LEF1: variants seen among roughly 807,000 people sequenced by gnomAD.
The protein encoded by LEF1 is lymphoid enhancer-binding factor 1.
A neutral mutation model predicts 51.2 loss-of-function variants in LEF1; 14 were observed. The observed-to-expected ratio is 0.27, with a 90% CI of 0.18 to 0.43. The LOEUF is 0.43. LEF1 is among the 20% of genes least tolerant of loss of function. The pLI is 1.00. For missense variants in LEF1, 386 were observed against 512.0 expected (o/e 0.75, Z 2.37); for synonymous variants, 185 against 183.2 (o/e 1.01, Z -0.08).
intron 3 of LEF1, among the ~76,000 whole-genome samples, chr4:108,104,364 T>G (rs1741015344): frequency 6.6e-6 from 1 of 150,904 alleles, no homozygotes; most frequent in Non-Finnish European, 1.5e-5. Flanking sequence ...AAACCACTGA[T>G]TGAAGGCTAA....
chr4:108,121,027 G>C (rs951146335), intron 3 of LEF1, among the ~76,000 whole-genome samples: 1 of 152,176 alleles, frequency 6.6e-6, no homozygotes, highest in Non-Finnish European at 1.5e-5. Context: ...TGGTGTTTTC[G>C]AGACAACCAT....
intron 3 of LEF1, among the ~76,000 whole-genome samples, chr4:108,095,014 T>C (rs1322077467): frequency 6.6e-6 from 1 of 152,124 alleles, no homozygotes; most frequent in Non-Finnish European, 1.5e-5. Context: ...AGAAACAAGG[T>C]ACTGGAAATA....
chr4:108,058,826 A>G (rs1186524729), intron 11 of LEF1, among the ~76,000 whole-genome samples: 1 of 152,216 alleles, frequency 6.6e-6, no homozygotes, highest in Non-Finnish European at 1.5e-5. Context: ...CGTGACTTAC[A>G]GCAGTCCTCA....
At chr4:108,102,639 G>A (rs1488308621) in intron 3 of LEF1, among the ~76,000 whole-genome samples, 1 of 152,120 alleles carries the variant, frequency 6.6e-6, no homozygotes, top group Non-Finnish European at 1.5e-5. Flanking sequence ...GATGTTCAGT[G>A]GTTCTAAGTT....
At chr4:108,081,724 G>A (rs1739321210) in intron 5 of LEF1, 55 bp from the exon 6 acceptor site, 1 of 1,275,056 alleles carries the variant, frequency 7.8e-7, no homozygotes, top group Non-Finnish European at 1.1e-6. Flanking sequence ...TTACCAACCA[G>A]TAGTAAGAGT....
intron 3 of LEF1, among the ~76,000 whole-genome samples, chr4:108,130,378 C>A (rs533442098): frequency 1.3e-5 from 2 of 152,068 alleles, no homozygotes; most frequent in Non-Finnish European, 2.9e-5. Flanking sequence ...TCCTATGATG[C>A]TGCACTATCA....
At chr4:108,062,548 C>A (rs6847336) in intron 11 of LEF1, among the ~76,000 whole-genome samples, 128,725 of 152,206 alleles carry the variant, frequency 0.85, 55,596 homozygotes, top group East Asian at 0.97. Context: ...CCCACACACT[C>A]AGTGGCGGGT....
chr4:108,157,175 TATATAC>T (rs1297630521), intron 3 of LEF1, among the ~76,000 whole-genome samples: 2 of 57,524 alleles, frequency 3.5e-5, no homozygotes, highest in East Asian at 6.9e-4. Context: ...TCTCTATATA[TATATAC>T]ACACACACAC....
At chr4:108,149,179 G>A (rs1744179320) in intron 3 of LEF1, among the ~76,000 whole-genome samples, 1 of 152,140 alleles carries the variant, frequency 6.6e-6, no homozygotes, top group Admixed American at 6.5e-5. Context: ...AAATAGATTG[G>A]CCGGGCGCGG....
chr4:108,147,762 C>T (rs1042500203), intron 3 of LEF1, among the ~76,000 whole-genome samples: 4 of 152,186 alleles, frequency 2.6e-5, no homozygotes, highest in African/African-American at 7.2e-5. Flanking sequence ...ATTTCCTACT[C>T]TTTCCAACTT....
At chr4:108,067,190 T>C (rs1738133943) in intron 9 of LEF1, among the ~76,000 whole-genome samples, 1 of 152,222 alleles carries the variant, frequency 6.6e-6, no homozygotes, top group African/African-American at 2.4e-5. Context: ...ATTCAAGGAA[T>C]ATGCAAAACA....
intron 3 of LEF1, among the ~76,000 whole-genome samples, chr4:108,144,944 T>C (rs1422179504): frequency 6.9e-6 from 1 of 144,976 alleles, no homozygotes. Context: ...AAAACTTTCA[T>C]ATGAAACACT....
At chr4:108,082,376 A>G (rs1188103428) in intron 5 of LEF1, among the ~76,000 whole-genome samples, 1 of 152,166 alleles carries the variant, frequency 6.6e-6, no homozygotes, top group Admixed American at 6.5e-5. Context: ...TGCATAATCA[A>G]TTAAGTTCAA....
chr4:108,143,863 G>T (rs367874586), intron 3 of LEF1, among the ~76,000 whole-genome samples: 58 of 152,258 alleles, frequency 3.8e-4, no homozygotes, highest in African/African-American at 1.3e-3. Context: ...TTCTCAGACT[G>T]CCCTCAGCAA....
chr4:108,164,823 G>T (rs774539268), intron 2 of LEF1, among the ~76,000 whole-genome samples: 2 of 152,136 alleles, frequency 1.3e-5, no homozygotes, highest in Admixed American at 1.3e-4. Context: ...AGATGAGGAA[G>T]AGAAAAACTC....
At chr4:108,072,857 AG>A (rs766562797) in intron 8 of LEF1, 1 of 152,202 alleles carries the variant, frequency 6.6e-6, no homozygotes, top group Non-Finnish European at 1.5e-5. Flanking sequence ...AGACCTTCAC[AG>A]GGAGAAAAAC....
intron 11 of LEF1, among the ~76,000 whole-genome samples, chr4:108,054,855 T>A (rs1486419738): frequency 6.6e-6 from 1 of 151,940 alleles, no homozygotes; most frequent in East Asian, 1.9e-4. Flanking sequence ...TGCCAAAAAG[T>A]GAGTTTAATT....
intron 3 of LEF1, among the ~76,000 whole-genome samples, chr4:108,132,685 T>TTTTTG (rs1383252390): frequency 7.9e-5 from 11 of 139,606 alleles, no homozygotes; most frequent in African/African-American, 1.9e-4. Context: ...TTTTTTTTTT[T>TTTTTG]GAGGCAGGGT....
intron 3 of LEF1, among the ~76,000 whole-genome samples, chr4:108,110,629 G>A (rs560132378): frequency 6.6e-6 from 1 of 152,114 alleles, no homozygotes; most frequent in Non-Finnish European, 1.5e-5. Flanking sequence ...CCTGCAATGG[G>A]CACATCATGC....
Sources: gnomAD v4.1 joint callset for allele counts (sites outside exome capture counted in the v4.1 genomes callset) on GRCh38, gnomAD v4.1.1 for gene constraint, MANE v1.5 for transcripts, NCBI Gene and HGNC (gene_info 2026-07-23, HGNC 2026-07-21) for gene names.